LGR5: variants seen among roughly 807,000 people sequenced by gnomAD.
LGR5 encodes leucine rich repeat containing G protein-coupled receptor 5, also known as leucine-rich repeat-containing G protein-coupled receptor 5.
In LGR5, 54 loss-of-function variants were observed where a neutral mutation model predicts 76.7. The observed-to-expected ratio is 0.70, with a 90% CI of 0.57 to 0.88. The LOEUF (loss-of-function observed/expected upper bound fraction) is 0.88, where lower values mean the gene tolerates loss of function less well. Ranked by LOEUF, LGR5 falls within the 40% of genes least tolerant of loss-of-function variation. The pLI is 0.00. For synonymous variants in LGR5, 406 were observed against 421.9 expected (o/e 0.96, Z 0.46); for missense variants, 1,078 against 1,073.3 (o/e 1.00, Z -0.06).
intron 4 of LGR5, among the ~76,000 whole-genome samples, chr12:71,550,214 G>C (rs990054408): frequency 2.6e-5 from 4 of 151,720 alleles, no homozygotes; most frequent in Non-Finnish European, 5.9e-5. Context: ...ACAGTGGCAA[G>C]ATCTCGGCTC....
At chr12:71,467,653 T>C (rs1872919790) in intron 1 of LGR5, among the ~76,000 whole-genome samples, 1 of 152,186 alleles carries the variant, frequency 6.6e-6, no homozygotes, top group South Asian at 2.1e-4. Context: ...CTTAGAATGA[T>C]GGTAGAGATC....
intron 3 of LGR5, among the ~76,000 whole-genome samples, chr12:71,532,075 A>G (rs1006258251): frequency 1.3e-5 from 2 of 152,206 alleles, no homozygotes; most frequent in Non-Finnish European, 2.9e-5. Flanking sequence ...GGACAATGCA[A>G]TACATACCTT....
chr12:71,567,927 A>T (rs1878430031), intron 11 of LGR5, among the ~76,000 whole-genome samples: 2 of 152,184 alleles, frequency 1.3e-5, no homozygotes, highest in African/African-American at 4.8e-5. Context: ...TAAAATCACA[A>T]AGCAAGAAAG....
At position 71,571,548 on chromosome 12, in the gene LGR5, A is replaced by T. The variant is rs756516546; in HGVS notation, c.1105A>T (p.Ser369Cys). ...TTACAACCTATTAGAAGATTTACCCAGTTTTTCAGTCTGCCAAAAGCTTCA... is the reference window on the plus strand; with the variant it reads ...TTACAACCTATTAGAAGATTTACCCTGTTTTTCAGTCTGCCAAAAGCTTCA... ...LSYNLLEDLP[S>C]FSVCQKLQKI... The change falls in exon 12 of 18, where the codon AGT (serine) becomes TGT (cysteine). Residue 369 changes from serine (S) to cysteine (C), a missense_variant. Physicochemically the swap from Ser to Cys is moderately radical, Grantham distance 112. Transcript: ENST00000266674. 1.2e-6 allele frequency: 2 copies of T among 1,613,246 alleles called. No individual in the cohort carries two copies. Among genetic ancestry groups the T allele is most frequent in the South Asian group, 1.1e-5 (1 of 90,950 alleles).
chr12:71,550,219 C>A, intron 4 of LGR5, among the ~76,000 whole-genome samples: 1 of 151,756 alleles, frequency 6.6e-6, no homozygotes, highest in East Asian at 1.9e-4. Flanking sequence ...GGCAAGATCT[C>A]GGCTCACTGC....
chr12:71,538,813 C>T (rs1876732140), intron 4 of LGR5, among the ~76,000 whole-genome samples: 1 of 151,922 alleles, frequency 6.6e-6, no homozygotes, highest in Admixed American at 6.6e-5. Context: ...AGCTATGATC[C>T]TGCCACTGCA....
In LGR5 at chr12:71,467,874, C is replaced by T. The variant is rs146523364; in HGVS notation, c.212+27582C>T. 4.5e-3 allele frequency among the ~76,000 whole-genome samples: 684 copies of T among 152,260 alleles called. 6 individuals carry two copies. The highest frequency in any genetic ancestry group is 6.9e-3 in the Admixed American group (105 of 15,286). On this transcript the variant is annotated intron_variant, in intron 1 of 17. Coordinates refer to ENST00000266674, the MANE Select transcript of LGR5 (RefSeq NM_003667.4). ...ATTGTTTAAACTTGCAAAGCACATT[C>T]CATCTAAGAATTTCACAGAGCCTTA... is the stretch of plus-strand genomic sequence containing the variant.
chr12:71,484,324 G>C (rs567048538), intron 1 of LGR5, among the ~76,000 whole-genome samples: 4 of 152,280 alleles, frequency 2.6e-5, no homozygotes, highest in Admixed American at 1.3e-4. Context: ...GAAAGAAACT[G>C]GTTGCCCTTG....
intron 2 of LGR5, among the ~76,000 whole-genome samples, chr12:71,512,140 C>T (rs541206856): frequency 2.6e-5 from 4 of 152,162 alleles, no homozygotes; most frequent in East Asian, 1.9e-4. Context: ...TACAGGCACC[C>T]GCCATCATGC....
intron 1 of LGR5, among the ~76,000 whole-genome samples, chr12:71,497,374 A>G (rs978058408): frequency 6.7e-5 from 10 of 149,970 alleles, no homozygotes; most frequent in Admixed American, 6.0e-4. Flanking sequence ...GGAAGGAAGG[A>G]AAGAAGGAAG....
chr12:71,454,242 G>A (rs1028146986), intron 1 of LGR5, among the ~76,000 whole-genome samples: 3 of 152,246 alleles, frequency 2.0e-5, no homozygotes, highest in African/African-American at 4.8e-5. Context: ...ATCTTACTAC[G>A]TGTAAAAAGA....
chr12:71,563,050 T>G (rs1239400268), intron 8 of LGR5, among the ~76,000 whole-genome samples: 2 of 152,176 alleles, frequency 1.3e-5, no homozygotes, highest in African/African-American at 2.4e-5. Context: ...CCTTTGCTCC[T>G]CCTTCTGCAG....
At chr12:71,578,688 C>A (rs1592564350) in intron 14 of LGR5, 116 bp from the exon 15 acceptor site, 4 of 1,018,382 alleles carry the variant, frequency 3.9e-6, no homozygotes, top group East Asian at 2.6e-5. Flanking sequence ...AGAGTAAGGA[C>A]CCTGCTTAGA....
chr12:71,578,614 A>G (rs1357288700), intron 14 of LGR5, among the ~76,000 whole-genome samples, 190 bp from the exon 15 acceptor site: 1 of 152,214 alleles, frequency 6.6e-6, no homozygotes, highest in Non-Finnish European at 1.5e-5. Context: ...TTTCTCCCCT[A>G]CAATCCTGAT....
chr12:71,573,638 T>G (rs1878716280), intron 13 of LGR5, among the ~76,000 whole-genome samples: 1 of 152,242 alleles, frequency 6.6e-6, no homozygotes, highest in African/African-American at 2.4e-5. Flanking sequence ...TGATAGGTAA[T>G]GTTTAAACTA....
chr12:71,515,201 G>A (rs1446393679), intron 2 of LGR5, among the ~76,000 whole-genome samples: 1 of 152,176 alleles, frequency 6.6e-6, no homozygotes, highest in African/African-American at 2.4e-5. Flanking sequence ...CTTGGCTCCT[G>A]TATTGATAAA....
At chr12:71,533,693 C>G (rs1461143929) in intron 3 of LGR5, among the ~76,000 whole-genome samples, 1 of 152,174 alleles carries the variant, frequency 6.6e-6, no homozygotes, top group Non-Finnish European at 1.5e-5. Flanking sequence ...CCAATTTTTA[C>G]TGAATGCTTA....
chr12:71,504,433 G>A (rs919619480), intron 1 of LGR5, among the ~76,000 whole-genome samples, 181 bp from the exon 2 acceptor site: 1 of 152,160 alleles, frequency 6.6e-6, no homozygotes, highest in African/African-American at 2.4e-5. Context: ...GAGAGCCCAT[G>A]ATGTTGTGGG....
At position 71,440,945 on chromosome 12, in the gene LGR5, C is replaced by T. The variant is rs12312012; in HGVS notation, c.212+653C>T. ...CAAACCCCGATTAGAGCTGCCAGAA[C>T]GTTATCTTTACCTTTGGCTGCCCGC... On this transcript the variant is annotated intron_variant, in intron 1 of 17. Coordinates refer to ENST00000266674, the MANE Select transcript of LGR5 (RefSeq NM_003667.4). This position sits in a 1 kb window ranked among gnomAD's most constrained non-coding sequence, Gnocchi z 5.3. Among the ~76,000 whole-genome samples the T allele has an allele frequency of 0.032, 4,860 of 152,118 alleles. 253 individuals are homozygous for T. The highest frequency in any genetic ancestry group is 0.11 in the African/African-American group (4,578 of 41,474).
Sources: gnomAD v4.1 joint callset for allele counts (sites outside exome capture counted in the v4.1 genomes callset) on GRCh38, gnomAD v4.1.1 for gene constraint, Gnocchi (gnomAD v3.1) non-coding constraint, MANE v1.5 for transcripts, NCBI Gene and HGNC (gene_info 2026-07-23, HGNC 2026-07-21) for gene names.